The following OSBPL10 variants were observed in gnomAD, a reference collection of about 807,000 sequenced individuals.
OSBPL10 encodes oxysterol binding protein like 10.
Under a neutral mutation model 81.7 loss-of-function variants are expected in OSBPL10, and 49 were observed. The observed-to-expected ratio is 0.60, with a 90% CI of 0.48 to 0.76. The LOEUF (loss-of-function observed/expected upper bound fraction) is 0.76, where lower values mean the gene tolerates loss of function less well. Among genes scored for constraint, OSBPL10 ranks in the 30% least tolerant of loss-of-function variants. The pLI is 0.00. For missense variants in OSBPL10, 923 were observed against 987.8 expected (o/e 0.93, Z 0.88); for synonymous variants, 419 against 383.6 (o/e 1.09, Z -1.08).
chr3:31,999,949 T>A (rs1392097182), intron 2 of OSBPL10, among the ~76,000 whole-genome samples: 1 of 152,202 alleles, frequency 6.6e-6, no homozygotes, highest in Non-Finnish European at 1.5e-5. Context: ...TAAGAGCCTC[T>A]TCTAAAACTA....
intron 3 of OSBPL10, among the ~76,000 whole-genome samples, chr3:31,871,150 T>A (rs1701314000): frequency 6.6e-6 from 1 of 152,138 alleles, no homozygotes; most frequent in Non-Finnish European, 1.5e-5. Context: ...GAAGGTTTGT[T>A]CTTTCGCTCT....
intron 1 of OSBPL10, among the ~76,000 whole-genome samples, chr3:31,968,794 G>T (rs900299571): frequency 6.6e-6 from 1 of 152,170 alleles, no homozygotes; most frequent in Non-Finnish European, 1.5e-5. Flanking sequence ...CTATAATAGT[G>T]TTATGATGTA....
intron 2 of OSBPL10, among the ~76,000 whole-genome samples, chr3:31,998,933 T>A (rs534576260): frequency 6.6e-6 from 1 of 152,358 alleles, no homozygotes; most frequent in African/African-American, 2.4e-5. Context: ...CACTTTAGTA[T>A]AAGTGGATAT....
chr3:31,838,209 TA>T (rs1288041018), intron 3 of OSBPL10, among the ~76,000 whole-genome samples: 2 of 152,058 alleles, frequency 1.3e-5, no homozygotes, highest in African/African-American at 4.8e-5. Context: ...CCCTCCCCGC[TA>T]AAAAAGCTCA....
At chr3:31,690,748 T>C (rs930835153) in intron 7 of OSBPL10, among the ~76,000 whole-genome samples, 10 of 152,180 alleles carry the variant, frequency 6.6e-5, no homozygotes, top group African/African-American at 2.2e-4. Context: ...AGAATTACTA[T>C]TTCCTCTTTC....
Position 32,030,413 on chromosome 3 carries a change from G to A in OSBPL10, n.298+16078C>T, listed in dbSNP as rs117285658. 2.7e-3 allele frequency: 1,738 copies of A among 655,228 alleles called. 11 individuals are homozygous for A. The highest frequency in any genetic ancestry group is 0.013 in the East Asian group (424 of 32,292). 40.6% of individuals were successfully genotyped at this position (655,228 alleles called of 1,614,324 possible). ...TACAATGTGACCCAGCATGCTGCTG[G>A]CATTGTGGTAAAGAAACAAGTTAAG... On this transcript the variant is annotated intron_variant and non_coding_transcript_variant, in intron 2 of 3. Transcript: ENST00000479173.
At chr3:31,739,540 G>A (rs1303964376) in intron 5 of OSBPL10, among the ~76,000 whole-genome samples, 1 of 152,192 alleles carries the variant, frequency 6.6e-6, no homozygotes, top group Admixed American at 6.5e-5. Context: ...AATTGGATTA[G>A]TGTCTCTGAT....
chr3:31,835,123 T>G (rs1158341277), intron 3 of OSBPL10, among the ~76,000 whole-genome samples: 2 of 152,176 alleles, frequency 1.3e-5, no homozygotes, highest in Admixed American at 1.3e-4. Context: ...GTATCTTAAG[T>G]AGTCACAGTC....
chr3:31,982,209 C>T (rs952953927), upstream of OSBPL10, among the ~76,000 whole-genome samples: 1 of 152,182 alleles, frequency 6.6e-6, no homozygotes, highest in Non-Finnish European at 1.5e-5. Flanking sequence ...GAAGGATTCT[C>T]TGTGTTGGCT....
chr3:31,901,720 G>A (rs1253037730), intron 1 of OSBPL10, among the ~76,000 whole-genome samples: 1 of 152,192 alleles, frequency 6.6e-6, no homozygotes, highest in Non-Finnish European at 1.5e-5. Flanking sequence ...TTCACTGCTG[G>A]CTGCTCGGTA....
At chr3:31,760,137 A>G (rs1168803423) in intron 4 of OSBPL10, among the ~76,000 whole-genome samples, 1 of 152,192 alleles carries the variant, frequency 6.6e-6, no homozygotes, top group Non-Finnish European at 1.5e-5. Flanking sequence ...AATCACCATG[A>G]AGGTCTTCGT....
At chr3:31,942,983 G>A (rs1313742293) in intron 1 of OSBPL10, among the ~76,000 whole-genome samples, 1 of 152,108 alleles carries the variant, frequency 6.6e-6, no homozygotes, top group Non-Finnish European at 1.5e-5. Flanking sequence ...GAGAAATTCT[G>A]TAACTATCAA....
At position 31,860,847 on chromosome 3, in the gene OSBPL10, GT is replaced by G. The variant is rs771802643; in HGVS notation, c.537+15585del. ...ACCATGCCTGGCTAATTTTTGTGGG[GT>G]TTTTTGGGGTTTTTTTTTTTGGGTT... is the stretch of plus-strand genomic sequence containing the variant. On this transcript the variant is annotated intron_variant, in intron 3 of 11. Transcript: ENST00000396556. 1.4e-3 allele frequency among the ~76,000 whole-genome samples: 201 copies of G among 140,138 alleles called. 3 individuals are homozygous for G. The East Asian group carries it at 0.02, about 14-fold the overall frequency. The allele number at this position is 140,138 out of a possible 152,430, so 91.9% of individuals were successfully genotyped here. A position where few individuals can be genotyped will look rare whatever the true frequency, so the allele number is the denominator to read the frequency against.
intron 1 of OSBPL10, among the ~76,000 whole-genome samples, chr3:31,950,402 C>G (rs1209104203): frequency 6.6e-6 from 1 of 152,106 alleles, no homozygotes; most frequent in Admixed American, 6.5e-5. Context: ...ATTAAGATAC[C>G]AATGAGATAT....
chr3:31,848,261 G>A (rs1700682343), intron 3 of OSBPL10, among the ~76,000 whole-genome samples: 2 of 151,620 alleles, frequency 1.3e-5, no homozygotes, highest in South Asian at 4.2e-4. Flanking sequence ...CTTGACTCAG[G>A]CACACGTTTT....
intron 1 of OSBPL10, among the ~76,000 whole-genome samples, chr3:31,965,747 AT>A (rs1698356785): frequency 1.5e-5 from 1 of 68,692 alleles, no homozygotes; most frequent in East Asian, 4.8e-4. Context: ...TATTTATATA[AT>A]ATATATTATA....
chr3:31,959,273 T>C (rs1456357023), intron 1 of OSBPL10, among the ~76,000 whole-genome samples: 3 of 152,352 alleles, frequency 2.0e-5, no homozygotes, highest in African/African-American at 4.8e-5. Flanking sequence ...CCTTCTCTTT[T>C]TGCAGCACTA....
intron 6 of OSBPL10, among the ~76,000 whole-genome samples, chr3:31,713,262 C>G (rs1421621162): frequency 6.6e-6 from 1 of 152,188 alleles, no homozygotes; most frequent in Non-Finnish European, 1.5e-5. Context: ...ATTCTGCTCA[C>G]CCCTCCCAGC....
chr3:31,673,709 T>C (rs1013541298), intron 8 of OSBPL10, among the ~76,000 whole-genome samples: 2 of 152,216 alleles, frequency 1.3e-5, no homozygotes, highest in African/African-American at 4.8e-5. Flanking sequence ...CAGTAAGTGT[T>C]CAATAGAAAC....
Sources: allele counts gnomAD v4.1 joint callset (sites outside exome capture counted in the v4.1 genomes callset), GRCh38; gene constraint gnomAD v4.1.1; transcripts MANE v1.5; gene names NCBI Gene and HGNC (gene_info 2026-07-23, HGNC 2026-07-21).